GIGYF2: variants seen among roughly 807,000 people sequenced by gnomAD.
GIGYF2 encodes the protein GRB10-interacting GYF protein 2.
Under a neutral mutation model 208.1 loss-of-function variants are expected in GIGYF2, and 25 were observed. The observed-to-expected ratio is 0.12, with a 90% confidence interval of 0.09 to 0.17. GIGYF2 has a LOEUF of 0.17. Ranked by LOEUF, GIGYF2 falls within the 10% of genes least tolerant of loss-of-function variation. The pLI is 1.00. For synonymous variants in GIGYF2, 534 were observed against 543.8 expected, an observed-to-expected ratio of 0.98 and a Z score of 0.25; for missense variants, 1,302 against 1,579.4, an observed-to-expected ratio of 0.82 and a Z score of 2.98.
chr2:232,810,737 T>G (rs1700709338), intron 16 of GIGYF2: 1 of 189,752 alleles, frequency 5.3e-6, no homozygotes. Context: ...CTATTTACTC[T>G]CTGGCCCATT....
intron 3 of GIGYF2, among the ~76,000 whole-genome samples, chr2:232,743,761 CTT>C (rs925138001): frequency 2.6e-5 from 4 of 152,232 alleles, no homozygotes; most frequent in Admixed American, 2.0e-4. Flanking sequence ...AGGCAACTGT[CTT>C]TTAGTTTGAG....
chr2:232,833,503 T>C (rs1701489173), intron 22 of GIGYF2, among the ~76,000 whole-genome samples: 1 of 152,268 alleles, frequency 6.6e-6, no homozygotes, highest in Non-Finnish European at 1.5e-5. Flanking sequence ...ACTTTGGTTT[T>C]TTGATCATCA....
At chr2:232,725,933 G>A (rs553760434) in intron 2 of GIGYF2, among the ~76,000 whole-genome samples, 4 of 152,340 alleles carry the variant, frequency 2.6e-5, no homozygotes, top group East Asian at 1.9e-4. Context: ...GTGTTATTCT[G>A]TAGAAGAGGT....
chr2:232,723,533 G>A (rs1697040651), intron 2 of GIGYF2, among the ~76,000 whole-genome samples: 2 of 149,948 alleles, frequency 1.3e-5, no homozygotes, highest in South Asian at 2.1e-4. Context: ...GGGTTCAAGC[G>A]ATTCTTCTGC....
At chr2:232,706,536 G>A (rs1451943329) in intron 2 of GIGYF2, among the ~76,000 whole-genome samples, 3 of 152,182 alleles carry the variant, frequency 2.0e-5, no homozygotes, top group Non-Finnish European at 4.4e-5. Flanking sequence ...CCATCCATTT[G>A]GGAGGCTGAG....
Position 232,836,399 on chromosome 2 carries a change from A to AATATAT in GIGYF2, c.2766+3312_2766+3317dup, listed in dbSNP as rs1213803689. ...ATAAATATAAATATATATAAATATA[A>AATATAT]ATATATATATAAATAAATTATTCAG... On this transcript the variant is annotated intron_variant, in intron 22 of 28. Transcript: ENST00000373563. 4.2e-5 allele frequency among the ~76,000 whole-genome samples: 2 copies of AATATAT among 47,782 alleles called. 1 individual carries two copies. Among genetic ancestry groups the AATATAT allele is most frequent in the African/African-American group, 2.1e-4 (2 of 9,414 alleles). The allele number at this position is 47,782 out of a possible 152,430, so 31.3% of individuals were successfully genotyped here.
At chr2:232,855,992 G>A (rs914529753) in intron 28 of GIGYF2, among the ~76,000 whole-genome samples, 6 of 151,760 alleles carry the variant, frequency 4.0e-5, no homozygotes, top group African/African-American at 7.3e-5. Context: ...GTGCAGTGGC[G>A]CGATCTCGGC....
chr2:232,762,137 G>A (rs575634013), intron 8 of GIGYF2, among the ~76,000 whole-genome samples: 41 of 150,756 alleles, frequency 2.7e-4, no homozygotes, highest in African/African-American at 9.2e-4. Flanking sequence ...CCATGAATTG[G>A]TACTATGAAA....
intron 2 of GIGYF2, among the ~76,000 whole-genome samples, chr2:232,728,683 G>T (rs1483961748): frequency 6.6e-6 from 1 of 152,174 alleles, no homozygotes; most frequent in African/African-American, 2.4e-5. Flanking sequence ...TTACAAATTT[G>T]TGGGCAGATG....
At chr2:232,777,533 G>A (rs1041857167) in intron 8 of GIGYF2, among the ~76,000 whole-genome samples, 3 of 152,078 alleles carry the variant, frequency 2.0e-5, no homozygotes, top group Non-Finnish European at 2.9e-5. Flanking sequence ...AATCTTGGAA[G>A]GCCTGCTGGG....
At chr2:232,840,110 GC>G in intron 23 of GIGYF2, 139 bp downstream of exon 23, 1 of 935,400 alleles carries the variant, frequency 1.1e-6, no homozygotes, top group Non-Finnish European at 1.7e-6. Context: ...TTAAACTTCA[GC>G]CCATAATTTG....
chr2:232,812,069 A>C (rs1700749378), intron 17 of GIGYF2, among the ~76,000 whole-genome samples: 1 of 152,152 alleles, frequency 6.6e-6, no homozygotes, highest in Non-Finnish European at 1.5e-5. Context: ...ACTTCTATTG[A>C]GATGATCTGG....
chr2:232,804,991 G>A (rs1700516194), intron 14 of GIGYF2, among the ~76,000 whole-genome samples: 1 of 151,162 alleles, frequency 6.6e-6, no homozygotes, highest in Non-Finnish European at 1.5e-5. Flanking sequence ...ATTTCCATAG[G>A]TTTTTGGGGA....
At chr2:232,734,950 A>G (rs1160912663) in intron 2 of GIGYF2, among the ~76,000 whole-genome samples, 1 of 152,144 alleles carries the variant, frequency 6.6e-6, no homozygotes, top group Non-Finnish European at 1.5e-5. Context: ...TTAACATAGA[A>G]AGGTGGGGAG....
At chr2:232,747,816 T>C (rs1698200699) in intron 4 of GIGYF2, 72 bp downstream of exon 4, 2 of 1,385,566 alleles carry the variant, frequency 1.4e-6, no homozygotes, top group African/African-American at 1.4e-5. Context: ...TACTGATACA[T>C]GAAAACTGAT....
At chr2:232,837,006 C>T (rs1411550369) in intron 22 of GIGYF2, among the ~76,000 whole-genome samples, 1 of 152,188 alleles carries the variant, frequency 6.6e-6, no homozygotes, top group East Asian at 1.9e-4. Flanking sequence ...GAAGGGTGGG[C>T]AGAATAGTAG....
At chr2:232,768,142 G>A in intron 8 of GIGYF2, 4 of 1,582,598 alleles carry the variant, frequency 2.5e-6, no homozygotes, top group Non-Finnish European at 3.5e-6. Context: ...AGAAAAAGTA[G>A]CTGCATAACT....
rs767282894 is a variant in GIGYF2 at position 232,847,429 on chromosome 2, C to T, written c.3542C>T (p.Thr1181Ile). The T allele has an allele frequency of 9.6e-5, 155 of 1,613,814 alleles. No homozygotes were observed. The highest frequency in any genetic ancestry group is 9.7e-5 in the Non-Finnish European group (114 of 1,179,946). ...TATATCAGGGCCTATTTAGGAGATA[C>T]TTCTGAGGCCAAGGAGTTTGCCAAG... ...HDYIRAYLGD[T>I]SEAKEFAKQF... The change falls in exon 27 of 29, where the codon ACT becomes ATT. Residue 1181 changes from threonine (T) to isoleucine (I), a missense_variant. Physicochemically the swap from Thr to Ile is moderately conservative, Grantham distance 89. Transcript: ENST00000373563.
At chr2:232,849,258 G>A (rs1406073808) in intron 27 of GIGYF2, among the ~76,000 whole-genome samples, 5 of 152,042 alleles carry the variant, frequency 3.3e-5, no homozygotes, top group South Asian at 2.1e-4. Flanking sequence ...TCCAACTCCC[G>A]GGTTCAAGCA....
Sources: allele counts gnomAD v4.1 joint callset (sites outside exome capture counted in the v4.1 genomes callset), GRCh38; gene constraint gnomAD v4.1.1; transcripts MANE v1.5; gene names NCBI Gene and HGNC (gene_info 2026-07-23, HGNC 2026-07-21).